Variants in UBE2E1 observed in about 807,000 individuals in gnomAD.
UBE2E1 encodes the protein ubiquitin conjugating enzyme E2 E1, also known as ubiquitin-conjugating enzyme E2 E1.
In UBE2E1, 6 loss-of-function variants were observed where a neutral mutation model predicts 21.4. That is an observed-to-expected ratio of 0.28 (90% CI 0.15 to 0.55). The LOEUF is 0.55. UBE2E1 is among the 20% of genes least tolerant of loss of function. UBE2E1 has a pLI of 0.93. For synonymous variants in UBE2E1, 87 were observed against 82.7 expected (o/e 1.05, Z -0.28); for missense variants, 142 against 236.5 (o/e 0.60, Z 2.62).
intron 3 of UBE2E1, among the ~76,000 whole-genome samples, chr3:23,884,229 C>G (rs913769669): frequency 9.4e-5 from 5 of 53,350 alleles, no homozygotes; most frequent in South Asian, 6.2e-4. Flanking sequence ...AAATTGCAAA[C>G]AGATTAGAGA....
In UBE2E1 at chr3:23,810,555, G is replaced by C. The variant is rs1245323548; in HGVS notation, c.153-905G>C. On this transcript the variant is annotated intron_variant, in intron 2 of 5. Transcript: ENST00000306627. The surrounding 1 kb of genome is among the most constrained non-coding windows in gnomAD (Gnocchi z 5.8). ...TCCGGGGAGGTGGGCCGAGAGTCCC[G>C]GCCAGCGTGCGGGGCGGAGGCAGGG... is the stretch of plus-strand genomic sequence containing the variant. 6.5e-7 allele frequency: 1 copy of C among 1,528,716 alleles called. No homozygotes were observed. The highest frequency in any genetic ancestry group is 8.8e-7 in the Non-Finnish European group (1 of 1,142,372). The allele number at this position is 1,528,716 out of a possible 1,614,324, so 94.7% of individuals were successfully genotyped here.
intron 3 of UBE2E1, among the ~76,000 whole-genome samples, chr3:23,821,511 A>G (rs968382847): frequency 1.3e-5 from 2 of 152,200 alleles, no homozygotes; most frequent in Admixed American, 6.5e-5. Flanking sequence ...TGGGAGGAAG[A>G]TGCTAGTGGA....
At position 23,811,582 on chromosome 3, in the gene UBE2E1, A is replaced by G. The variant is rs977381469; in HGVS notation, c.203+72A>G. 7 of 1,430,796 alleles carry G rather than the reference A, an allele frequency of 4.9e-6. No homozygotes were observed. In the Admixed American group the frequency reaches 9.3e-5, roughly 19 times the overall value. The allele number at this position is 1,430,796 out of a possible 1,614,324, so 88.6% of individuals were successfully genotyped here. A position where few individuals can be genotyped will look rare whatever the true frequency, so the allele number is the denominator to read the frequency against. On this transcript the variant is annotated intron_variant, in intron 3 of 5. Transcript: ENST00000306627. ...TTTGTCTTGGGTTTTTCTTTTTATT[A>G]TATACTTTTTCTTTGATTCTTTGGC...
Position 23,856,908 on chromosome 3 carries a change from C to G in UBE2E1, c.204-30659C>G, listed in dbSNP as rs72627030. 4.3e-3 allele frequency among the ~76,000 whole-genome samples: 646 copies of G among 150,480 alleles called. 15 individuals carry two copies. The East Asian group carries it at 0.049, about 11-fold the overall frequency. On this transcript the variant is annotated intron_variant, in intron 3 of 5. Coordinates refer to ENST00000306627, the MANE Select transcript of UBE2E1 (RefSeq NM_003341.5). The stretch of plus-strand genomic sequence containing the variant: ...ATCCTAGCAGTTTGGCAAGCTGAGG[C>G]AGGAGGATCACTTAAGTCCCGGATT...
chr3:23,835,582 C>T (rs1166896130), intron 3 of UBE2E1, among the ~76,000 whole-genome samples: 1 of 51,724 alleles, frequency 1.9e-5, no homozygotes, highest in Non-Finnish European at 4.4e-5. Flanking sequence ...GGGTAAGAAC[C>T]AAGGAAGTAA....
At chr3:23,822,155 T>G (rs778650836) in intron 3 of UBE2E1, among the ~76,000 whole-genome samples, 6 of 152,192 alleles carry the variant, frequency 3.9e-5, no homozygotes, top group Non-Finnish European at 5.9e-5. Flanking sequence ...TGGGAAATGG[T>G]GCTGTGCAGT....
chr3:23,871,426 G>A (rs1440508577), intron 3 of UBE2E1, among the ~76,000 whole-genome samples: 3 of 151,526 alleles, frequency 2.0e-5, no homozygotes, highest in East Asian at 3.9e-4. Flanking sequence ...GCGGCTGGCC[G>A]GGCAGAGGAG....
rs200678064 is a variant in UBE2E1, at chr3:23,841,985, C to CA, written c.203+30481dup. 7.6e-3 allele frequency among the ~76,000 whole-genome samples: 1,152 copies of CA among 152,118 alleles called. 11 individuals are homozygous for CA. Among genetic ancestry groups the CA allele is most frequent in the African/African-American group, 0.026 (1,076 of 41,490 alleles). On this transcript the variant is annotated intron_variant, in intron 3 of 5. Coordinates refer to ENST00000306627, the MANE Select transcript of UBE2E1 (RefSeq NM_003341.5). Reference sequence around the variant, plus strand: ...GAGGGCAAAATGGGATAATCTTTTACAAAAAACTTGAGGTACATGATTTAG... The same window carrying CA: ...GAGGGCAAAATGGGATAATCTTTTACAAAAAAACTTGAGGTACATGATTTAG...
chr3:23,822,724 T>G (rs1351190099), intron 3 of UBE2E1, among the ~76,000 whole-genome samples: 1 of 152,244 alleles, frequency 6.6e-6, no homozygotes, highest in Non-Finnish European at 1.5e-5. Flanking sequence ...ACCTTTTGTA[T>G]TCTGTTCAAG....
In UBE2E1 at chr3:23,808,175, T is replaced by C. The variant is rs1183111089; in HGVS notation, c.152+754T>C. On this transcript the variant is annotated intron_variant, in intron 2 of 5. Coordinates refer to ENST00000306627, the MANE Select transcript of UBE2E1 (RefSeq NM_003341.5). The surrounding 1 kb of genome is among the most constrained non-coding windows in gnomAD (Gnocchi z 4.9). ...CCCTTTTACTTTATTCTTTTCCTCT[T>C]AAGGCCCTGAAGGTAGCTACTTTTT... Among the ~76,000 whole-genome samples the C allele has an allele frequency of 6.6e-6, 1 of 152,218 alleles. No individual in the cohort carries two copies. Among genetic ancestry groups the C allele is most frequent in the Non-Finnish European group, 1.5e-5 (1 of 68,040 alleles).
At chr3:23,822,292 T>C (rs1175175922) in intron 3 of UBE2E1, among the ~76,000 whole-genome samples, 1 of 152,122 alleles carries the variant, frequency 6.6e-6, no homozygotes, top group African/African-American at 2.4e-5. Context: ...AGAATGAAAA[T>C]GTGTTTGTAT....
intron 3 of UBE2E1, among the ~76,000 whole-genome samples, chr3:23,884,888 T>C (rs1312470638): frequency 6.6e-6 from 1 of 152,256 alleles, no homozygotes; most frequent in Non-Finnish European, 1.5e-5. Context: ...TAAAAGAGCA[T>C]TCCCCTTTAT....
Position 23,810,792 on chromosome 3 carries a change from C to A in UBE2E1, c.153-668C>A, listed in dbSNP as rs1699372452. The A allele has an allele frequency of 9.2e-6, 2 of 217,384 alleles. No individual in the cohort carries two copies. Among genetic ancestry groups the A allele is most frequent in the East Asian group, 9.7e-5 (1 of 10,332 alleles). The allele number at this position is 217,384 out of a possible 1,614,324, so 13.5% of individuals were successfully genotyped here. A position where few individuals can be genotyped will look rare whatever the true frequency, so the allele number is the denominator to read the frequency against. On this transcript the variant is annotated intron_variant, in intron 2 of 5. Transcript: ENST00000306627. This position sits in a 1 kb window ranked among gnomAD's most constrained non-coding sequence, Gnocchi z 5.8. Reference sequence around the variant, plus strand: ...ACTTCACCGGCGCGGCGCGAGCCGTCGGGGGCGCGCGCGGGGTGGGGGCGG... The same window carrying A: ...ACTTCACCGGCGCGGCGCGAGCCGTAGGGGGCGCGCGCGGGGTGGGGGCGG...
intron 3 of UBE2E1, among the ~76,000 whole-genome samples, chr3:23,825,831 G>A (rs1462735303): frequency 1.3e-5 from 2 of 152,094 alleles, no homozygotes. Context: ...TTAAATGGAG[G>A]AGTGAAATAC....
chr3:23,889,050 T>C (rs1391954761), intron 4 of UBE2E1, 62 bp from the exon 5 acceptor site: 4 of 1,511,900 alleles, frequency 2.6e-6, no homozygotes, highest in Non-Finnish European at 3.6e-6. Flanking sequence ...GGTCATTCAG[T>C]TGAATATTTA....
At chr3:23,845,581 C>CTGTGTG (rs1343231599) in intron 3 of UBE2E1, among the ~76,000 whole-genome samples, 18 of 48,444 alleles carry the variant, frequency 3.7e-4, no homozygotes, top group South Asian at 8.3e-4. Flanking sequence ...CTCTCTCTCT[C>CTGTGTG]TCTCTCTCTG....
intron 3 of UBE2E1, among the ~76,000 whole-genome samples, chr3:23,824,424 T>C (rs544921653): frequency 6.6e-6 from 1 of 152,366 alleles, no homozygotes; most frequent in African/African-American, 2.4e-5. Context: ...ACTGGTACTA[T>C]GTTTTACTTT....
In UBE2E1 at chr3:23,842,234, TG is replaced by T. The variant is rs1559482407; in HGVS notation, c.203+30725del. On this transcript the variant is annotated intron_variant, in intron 3 of 5. Transcript: ENST00000306627. This position sits in a 1 kb window ranked among gnomAD's most constrained non-coding sequence, Gnocchi z 4.6. ...GTGTGTGTGTGTGTGTGTGTGTGTG[TG>T]TGTGTGTGTGTGTGGTGTTGTTGTT... is the stretch of plus-strand genomic sequence containing the variant. Among the ~76,000 whole-genome samples the T allele has an allele frequency of 2.2e-4, 17 of 75,684 alleles. No homozygotes were observed. Among genetic ancestry groups the T allele is most frequent in the African/African-American group, 9.1e-4 (17 of 18,760 alleles). The allele number at this position is 75,684 out of a possible 152,430, so 49.7% of individuals were successfully genotyped here.
intron 3 of UBE2E1, among the ~76,000 whole-genome samples, chr3:23,844,568 A>AG (rs1446120932): frequency 6.6e-6 from 1 of 152,210 alleles, no homozygotes; most frequent in Admixed American, 6.5e-5. Context: ...CAGAACTGCA[A>AG]GGGGATCATA....
Sources: gnomAD v4.1 joint callset for allele counts (sites outside exome capture counted in the v4.1 genomes callset) on GRCh38, gnomAD v4.1.1 for gene constraint, Gnocchi (gnomAD v3.1) non-coding constraint, MANE v1.5 for transcripts, NCBI Gene and HGNC (gene_info 2026-07-23, HGNC 2026-07-21) for gene names.